Variants in RNF182 observed in about 807,000 individuals in gnomAD.
RNF182 encodes E3 ubiquitin-protein ligase RNF182.
Under a neutral mutation model 14.4 loss-of-function variants are expected in RNF182, and 15 were observed. The observed-to-expected ratio is 1.04, with a 90% confidence interval of 0.70 to 1.60. RNF182 has a LOEUF of 1.60. Among genes scored for constraint, RNF182 ranks in the 40% most tolerant of loss-of-function variants. RNF182 has a pLI of 0.00. For synonymous variants in RNF182, 128 were observed against 122.9 expected (o/e 1.04, Z -0.27); for missense variants, 268 against 294.8 (o/e 0.91, Z 0.67).
chr6:13,977,350 A>C lies in RNF182; in HGVS notation c.231A>C (p.Glu77Asp). The C allele has an allele frequency of 1.2e-6, 2 of 1,614,116 alleles. No homozygotes were observed. The highest frequency in any genetic ancestry group is 1.7e-6 in the Non-Finnish European group (2 of 1,180,008). The change falls in exon 3 of 3, where the codon GAA (glutamate) becomes GAC (aspartate). Residue 77 changes from glutamate (E) to aspartate (D), a missense_variant. By Grantham distance (45) the Glu-to-Asp change is conservative. Coordinates refer to ENST00000488300, the MANE Select transcript of RNF182 (RefSeq NM_152737.4). ...TTGAGACGTGCCTGCCAGATGATGAAGTTAGTAGCCTGCCCGATGACAACA... is the reference window on the plus strand; with the variant it reads ...TTGAGACGTGCCTGCCAGATGATGACGTTAGTAGCCTGCCCGATGACAACA... Reference protein sequence around the residue: ...CRFETCLPDDEVSSLPDDNNI... With the variant: ...CRFETCLPDDDVSSLPDDNNI...
At chr6:13,940,028 C>G (rs1236269698) in intron 1 of RNF182, among the ~76,000 whole-genome samples, 1 of 152,074 alleles carries the variant, frequency 6.6e-6, no homozygotes, top group South Asian at 2.1e-4. Context: ...TGCCTCATTG[C>G]TCTATCTAGG....
At chr6:13,951,201 T>C (rs762915470) in intron 1 of RNF182, among the ~76,000 whole-genome samples, 6 of 152,200 alleles carry the variant, frequency 3.9e-5, no homozygotes, top group Non-Finnish European at 7.3e-5. Flanking sequence ...CTAATAGTTA[T>C]AATATTTTTT....
intron 1 of RNF182, among the ~76,000 whole-genome samples, chr6:13,950,939 G>A (rs989306329): frequency 6.6e-6 from 1 of 151,746 alleles, no homozygotes; most frequent in Non-Finnish European, 1.5e-5. Context: ...TGGGACTACA[G>A]TCGTGTGCCA....
At chr6:13,971,473 A>G (rs1760182205) in intron 1 of RNF182, among the ~76,000 whole-genome samples, 1 of 152,138 alleles carries the variant, frequency 6.6e-6, no homozygotes, top group African/African-American at 2.4e-5. Flanking sequence ...CGTAAGAATC[A>G]ACTAATACAG....
intron 1 of RNF182, among the ~76,000 whole-genome samples, chr6:13,971,251 T>C (rs747159004): frequency 3.9e-5 from 6 of 152,142 alleles, no homozygotes; most frequent in Non-Finnish European, 8.8e-5. Context: ...GTTCTCATGA[T>C]AGTAAGTTCT....
At chr6:13,969,780 T>A (rs1760128890) in intron 1 of RNF182, among the ~76,000 whole-genome samples, 1 of 152,226 alleles carries the variant, frequency 6.6e-6, no homozygotes, top group South Asian at 2.1e-4. Context: ...ATTTGTATAG[T>A]CTTATCCCCA....
intron 1 of RNF182, among the ~76,000 whole-genome samples, chr6:13,930,067 A>G (rs996996872): frequency 6.6e-6 from 1 of 152,206 alleles, no homozygotes; most frequent in Non-Finnish European, 1.5e-5. Flanking sequence ...GCATATCTGC[A>G]GGTTCCACAT....
intron 1 of RNF182, chr6:13,949,567 CT>C: frequency 2.2e-6 from 1 of 451,532 alleles, no homozygotes. Context: ...AGAGTGAACT[CT>C]TAGATAAAAT....
rs1238563227 is a variant in RNF182, at chr6:13,978,792, C to A, written c.*929C>A. 1 of 166,742 alleles carries A rather than the reference C, an allele frequency of 6.0e-6. No homozygotes were observed. The highest frequency in any genetic ancestry group is 1.5e-5 in the Non-Finnish European group (1 of 68,058). 10.3% of individuals were successfully genotyped at this position (166,742 alleles called of 1,614,324 possible). On this transcript the variant is annotated 3_prime_UTR_variant, in exon 3 of 3. Coordinates refer to ENST00000488300, the MANE Select transcript of RNF182 (RefSeq NM_152737.4). ...TTTTTTCCCTATTATATTTTTGGTT[C>A]TATTAGGATTTACTTAACTGAATCT...
At chr6:13,946,227 C>A (rs574977174) in intron 1 of RNF182, among the ~76,000 whole-genome samples, 1 of 150,986 alleles carries the variant, frequency 6.6e-6, no homozygotes, top group Non-Finnish European at 1.5e-5. Flanking sequence ...AGTGCAGTGG[C>A]ACAATCTCAG....
chr6:13,978,133 A>G lies in RNF182; in HGVS notation c.*270A>G. 2.6e-6 allele frequency: 1 copy of G among 392,112 alleles called. No individual in the cohort carries two copies. Among genetic ancestry groups the G allele is most frequent in the Non-Finnish European group, 4.8e-6 (1 of 208,126 alleles). The allele number at this position is 392,112 out of a possible 1,614,324, so 24.3% of individuals were successfully genotyped here. ...CCAGAGAAAGGACAGGGTTTCTCTC[A>G]GCACTGCCAGACAGACGGCAGGGGT... On this transcript the variant is annotated 3_prime_UTR_variant, in exon 3 of 3. Coordinates refer to ENST00000488300, the MANE Select transcript of RNF182 (RefSeq NM_152737.4).
chr6:13,956,599 AC>A (rs1759738471), intron 1 of RNF182, among the ~76,000 whole-genome samples: 1 of 152,102 alleles, frequency 6.6e-6, no homozygotes, highest in Non-Finnish European at 1.5e-5. Flanking sequence ...TGCTGGGATT[AC>A]CTGCGTGAGC....
intron 1 of RNF182, chr6:13,949,209 T>TTTC (rs1759519228): frequency 2.5e-6 from 2 of 795,110 alleles, no homozygotes; most frequent in Non-Finnish European, 4.6e-6. Context: ...GCCTCTCTTA[T>TTTC]TTCTGCATTG....
intron 1 of RNF182, among the ~76,000 whole-genome samples, chr6:13,930,341 T>C (rs1758935186): frequency 6.6e-6 from 1 of 152,226 alleles, no homozygotes; most frequent in South Asian, 2.1e-4. Flanking sequence ...CCAGCCCCCC[T>C]GCAGATATTG....
intron 1 of RNF182, among the ~76,000 whole-genome samples, chr6:13,941,039 A>G (rs959798717): frequency 6.6e-6 from 1 of 151,982 alleles, no homozygotes; most frequent in African/African-American, 2.4e-5. Context: ...AATATAATCA[A>G]TCTGTAGTTG....
intron 1 of RNF182, among the ~76,000 whole-genome samples, chr6:13,968,708 A>G (rs570832621): frequency 6.6e-6 from 1 of 152,312 alleles, no homozygotes; most frequent in African/African-American, 2.4e-5. Flanking sequence ...AATAAAAAAG[A>G]ATGCACACAC....
intron 1 of RNF182, among the ~76,000 whole-genome samples, chr6:13,957,447 T>C (rs1289382155): frequency 6.6e-6 from 1 of 152,234 alleles, no homozygotes; most frequent in Non-Finnish European, 1.5e-5. Flanking sequence ...TAGAAAGTTT[T>C]TAAATTTCCT....
intron 1 of RNF182, among the ~76,000 whole-genome samples, chr6:13,953,107 C>T (rs1487764195): frequency 6.6e-6 from 1 of 152,148 alleles, no homozygotes; most frequent in Non-Finnish European, 1.5e-5. Flanking sequence ...TTTGTTAAGT[C>T]CTGGGTCTGT....
At chr6:13,937,518 T>A (rs1267777441) in intron 1 of RNF182, among the ~76,000 whole-genome samples, 1 of 152,232 alleles carries the variant, frequency 6.6e-6, no homozygotes, top group Non-Finnish European at 1.5e-5. Context: ...GTCTCTCTCA[T>A]TTTGGTATAG....
Sources: allele counts gnomAD v4.1 joint callset (sites outside exome capture counted in the v4.1 genomes callset), GRCh38; gene constraint gnomAD v4.1.1; transcripts MANE v1.5; gene names NCBI Gene and HGNC (gene_info 2026-07-23, HGNC 2026-07-21).